Variants in NTRK3 observed in about 807,000 individuals in gnomAD.
NTRK3 encodes NT-3 growth factor receptor.
In NTRK3, 24 loss-of-function variants were observed where a neutral mutation model predicts 91.7. That is an observed-to-expected ratio of 0.26 (90% CI 0.19 to 0.37). NTRK3 has a LOEUF of 0.37. Ranked by LOEUF, NTRK3 falls within the 10% of genes least tolerant of loss-of-function variation. The probability of loss-of-function intolerance (pLI) is 1.00; values close to 1 mark genes in which losing one functional copy is unlikely to be tolerated. For missense variants in NTRK3, 880 were observed against 1,068.9 expected (o/e 0.82, Z 2.46); for synonymous variants, 483 against 404.0 (o/e 1.20, Z -2.34).
rs527601169 is a variant in NTRK3 at position 88,048,104 on chromosome 15, C to T, written c.1397-15059G>A. 3.6e-4 allele frequency among the ~76,000 whole-genome samples: 55 copies of T among 152,278 alleles called. 1 individual carries two copies. Among genetic ancestry groups the T allele is most frequent in the Admixed American group, 2.6e-3 (39 of 15,280 alleles). On this transcript the variant is annotated intron_variant, in intron 13 of 18. Coordinates refer to ENST00000394480, the Ensembl canonical transcript of NTRK3. ...AATAAATATCATTTGATGACAACGACGCAGCCATTGATTTTCCACTCCCTC... is the reference window on the plus strand; with the variant it reads ...AATAAATATCATTTGATGACAACGATGCAGCCATTGATTTTCCACTCCCTC...
intron 3 of NTRK3, among the ~76,000 whole-genome samples, chr15:88,213,576 G>A (rs184900030): frequency 2.0e-5 from 3 of 152,342 alleles, no homozygotes; most frequent in Admixed American, 6.5e-5. Context: ...TCAGAAGCGG[G>A]AGTGTAGATG....
intron 13 of NTRK3, among the ~76,000 whole-genome samples, chr15:88,043,555 C>T (rs1401814775): frequency 6.6e-6 from 1 of 152,190 alleles, no homozygotes; most frequent in Non-Finnish European, 1.5e-5. Flanking sequence ...CATGCCTCCA[C>T]CCACTCACAT....
chr15:88,226,209 G>C (rs2050663058), intron 3 of NTRK3, among the ~76,000 whole-genome samples: 1 of 152,178 alleles, frequency 6.6e-6, no homozygotes, highest in Admixed American at 6.5e-5. Flanking sequence ...CCTAAGCCCA[G>C]GGCAGCACCT....
chr15:88,128,566 A>G (rs1283515847), intron 11 of NTRK3, 145 bp downstream of exon 11: 1 of 869,248 alleles, frequency 1.2e-6, no homozygotes, highest in Admixed American at 1.9e-5. Flanking sequence ...GCTACCCTTC[A>G]TTTCCCTTTC....
intron 3 of NTRK3, among the ~76,000 whole-genome samples, chr15:88,190,099 T>G (rs2047271175): frequency 6.6e-6 from 1 of 152,072 alleles, no homozygotes; most frequent in Non-Finnish European, 1.5e-5. Flanking sequence ...CGGTGGGACT[T>G]AGGAACATCC....
chr15:88,090,789 C>A (rs975462785), intron 13 of NTRK3, among the ~76,000 whole-genome samples: 1 of 152,142 alleles, frequency 6.6e-6, no homozygotes, highest in African/African-American at 2.4e-5. Flanking sequence ...GGGGCCGAAC[C>A]CTGGCTGCTC....
chr15:88,236,768 T>TAA (rs375701404), intron 3 of NTRK3, among the ~76,000 whole-genome samples: 7 of 111,210 alleles, frequency 6.3e-5, no homozygotes, highest in African/African-American at 1.6e-4. Flanking sequence ...CTACCAAAAT[T>TAA]AAAAAAAAAA....
chr15:88,173,604 C>G (rs1175167757), intron 5 of NTRK3, among the ~76,000 whole-genome samples: 1 of 152,250 alleles, frequency 6.6e-6, no homozygotes, highest in Non-Finnish European at 1.5e-5. Flanking sequence ...TCACCCAGAC[C>G]CTGCTAGCAA....
At chr15:88,065,236 C>A (rs1350587225) in intron 13 of NTRK3, among the ~76,000 whole-genome samples, 1 of 152,180 alleles carries the variant, frequency 6.6e-6, no homozygotes, top group East Asian at 1.9e-4. Flanking sequence ...TCCACAGGAT[C>A]ATGGTCCTAC....
intron 17 of NTRK3, among the ~76,000 whole-genome samples, chr15:87,881,610 G>A (rs182894384): frequency 6.6e-6 from 1 of 151,936 alleles, no homozygotes; most frequent in Non-Finnish European, 1.5e-5. Context: ...TAGTAGAGAC[G>A]GGGTTTCACT....
chr15:88,071,718 CGCTGAT>C (rs1567335978), intron 13 of NTRK3, among the ~76,000 whole-genome samples: 1 of 152,178 alleles, frequency 6.6e-6, no homozygotes. Flanking sequence ...AGCTTGAAAG[CGCTGAT>C]GCTCCTTATG....
At chr15:88,140,749 A>G (rs1299319495) in intron 6 of NTRK3, among the ~76,000 whole-genome samples, 4 of 152,354 alleles carry the variant, frequency 2.6e-5, no homozygotes, top group African/African-American at 4.8e-5. Flanking sequence ...CAGTGTTACT[A>G]TGAAAACAGA....
intron 3 of NTRK3, among the ~76,000 whole-genome samples, chr15:88,248,591 G>T (rs574991431): frequency 1.3e-5 from 2 of 152,096 alleles, no homozygotes; most frequent in Admixed American, 6.5e-5. Context: ...TTGCAAAAGA[G>T]CATAGGCAGT....
chr15:88,174,438 T>G, intron 5 of NTRK3, among the ~76,000 whole-genome samples: 1 of 152,116 alleles, frequency 6.6e-6, no homozygotes, highest in Non-Finnish European at 1.5e-5. Flanking sequence ...AAGCCCAGCA[T>G]CTTCCCTCCT....
intron 14 of NTRK3, among the ~76,000 whole-genome samples, chr15:88,016,693 C>A (rs1044108955): frequency 1.3e-5 from 2 of 152,188 alleles, no homozygotes; most frequent in African/African-American, 4.8e-5. Context: ...TGGGGACAGG[C>A]TTTGCAGCCG....
intron 7 of NTRK3, 117 bp from the exon 8 acceptor site, chr15:88,136,726 A>C (rs1222239189): frequency 1.6e-6 from 2 of 1,278,242 alleles, no homozygotes; most frequent in Non-Finnish European, 2.2e-6. Flanking sequence ...CTCTAACACC[A>C]CCTGCTTGAG....
chr15:88,251,664 C>T (rs777063917), intron 3 of NTRK3, among the ~76,000 whole-genome samples: 9 of 152,230 alleles, frequency 5.9e-5, no homozygotes, highest in Non-Finnish European at 7.3e-5. Flanking sequence ...CAAGAGCCAG[C>T]TGAGTTGGGG....
At chr15:87,970,809 G>A (rs1345656596) in intron 14 of NTRK3, among the ~76,000 whole-genome samples, 2 of 152,182 alleles carry the variant, frequency 1.3e-5, no homozygotes, top group African/African-American at 4.8e-5. Flanking sequence ...GTAACTGGAG[G>A]AAGAGAAAAA....
At chr15:87,966,764 A>C (rs2072833181) in intron 14 of NTRK3, among the ~76,000 whole-genome samples, 1 of 152,178 alleles carries the variant, frequency 6.6e-6, no homozygotes, top group East Asian at 1.9e-4. Context: ...TGCAGGCTCC[A>C]GATGGTCCCT....
Sources: gnomAD v4.1 joint callset for allele counts (sites outside exome capture counted in the v4.1 genomes callset) on GRCh38, gnomAD v4.1.1 for gene constraint, MANE v1.5 for transcripts, NCBI Gene and HGNC (gene_info 2026-07-23, HGNC 2026-07-21) for gene names.